EPB41L2: variants seen among roughly 807,000 people sequenced by gnomAD.
EPB41L2 encodes band 4.1-like protein 2.
EPB41L2 carries 43 observed loss-of-function variants against 113.0 expected under a neutral mutation model. The observed-to-expected ratio is 0.38, with a 90% CI of 0.30 to 0.49. EPB41L2 has a LOEUF of 0.49. EPB41L2 is among the 20% of genes least tolerant of loss of function. The pLI is 0.95. For synonymous variants in EPB41L2, 442 were observed against 436.7 expected (o/e 1.01, Z -0.15); for missense variants, 1,147 against 1,223.4 (o/e 0.94, Z 0.93).
At chr6:130,920,401 G>A (rs891367203) in intron 4 of EPB41L2, among the ~76,000 whole-genome samples, 1 of 152,152 alleles carries the variant, frequency 6.6e-6, no homozygotes, top group African/African-American at 2.4e-5. Flanking sequence ...GACATTGCAG[G>A]TTTACATCCT....
chr6:130,869,714 C>T lies in EPB41L2; in HGVS notation c.2456G>A (p.Gly819Asp), dbSNP rs139383544. The T allele has an allele frequency of 3.1e-6, 5 of 1,614,132 alleles. No individual in the cohort carries two copies. In the African/African-American group the frequency reaches 5.3e-5, roughly 17 times the overall value. The change falls in exon 15 of 20, where the codon GGT becomes GAT. Residue 819 changes from glycine (G) to aspartate (D), a missense_variant. Gly to Asp is a moderately conservative substitution (Grantham distance 94). Coordinates refer to ENST00000337057, the MANE Select transcript of EPB41L2 (RefSeq NM_001431.4). Reference sequence around the variant, plus strand: ...CTTCTCTCCGGGTATCTTTTGGGCACCTACATTTTCCTGGATCACTGTTTC... The same window carrying T: ...CTTCTCTCCGGGTATCTTTTGGGCATCTACATTTTCCTGGATCACTGTTTC... Reference protein sequence around the residue: ...TVETVIQENVGAQKIPGEKSV... With the variant: ...TVETVIQENVDAQKIPGEKSV...
intron 1 of EPB41L2, among the ~76,000 whole-genome samples, chr6:130,960,268 CA>C (rs1818910673): frequency 6.6e-6 from 1 of 152,124 alleles, no homozygotes. Context: ...AGGTTCCTGC[CA>C]GTTAGTGAAA....
chr6:130,980,597 T>C (rs1351951796), intron 1 of EPB41L2, among the ~76,000 whole-genome samples: 2 of 152,122 alleles, frequency 1.3e-5, no homozygotes, highest in Non-Finnish European at 2.9e-5. Flanking sequence ...CTAACAACTT[T>C]GGAGCATTTT....
chr6:131,024,593 T>C (rs890264043), intron 1 of EPB41L2, among the ~76,000 whole-genome samples: 1 of 152,222 alleles, frequency 6.6e-6, no homozygotes, highest in African/African-American at 2.4e-5. Context: ...ATTCCCTGAC[T>C]GCACCAAGAG....
intron 1 of EPB41L2, among the ~76,000 whole-genome samples, chr6:130,974,426 C>A (rs1777654690): frequency 6.6e-6 from 1 of 152,166 alleles, no homozygotes; most frequent in Non-Finnish European, 1.5e-5. Flanking sequence ...CCCAATGCTA[C>A]TGCTCAGCTC....
chr6:130,958,468 C>CAAA (rs200548809), intron 1 of EPB41L2, among the ~76,000 whole-genome samples: 83 of 113,688 alleles, frequency 7.3e-4, no homozygotes, highest in South Asian at 1.5e-3. Flanking sequence ...ACAACAACAA[C>CAAA]AAAAAAAAAA....
At chr6:131,009,673 CA>C (rs1192188835) in intron 1 of EPB41L2, among the ~76,000 whole-genome samples, 112 of 133,626 alleles carry the variant, frequency 8.4e-4, no homozygotes, top group African/African-American at 1.3e-3. Flanking sequence ...CCACCCCCAC[CA>C]AAAAAAAAAA....
chr6:130,972,317 C>G (rs1211167038), intron 1 of EPB41L2, among the ~76,000 whole-genome samples: 6 of 91,112 alleles, frequency 6.6e-5, no homozygotes, highest in South Asian at 1.0e-3. Flanking sequence ...GAATGAGACT[C>G]CATCTCAAAA....
rs753832486 is a variant in EPB41L2, at chr6:130,880,216, T to TA, written c.1834-11dup. 1.3e-6 allele frequency: 2 copies of TA among 1,594,966 alleles called. No individual in the cohort carries two copies. Among genetic ancestry groups the TA allele is most frequent in the Non-Finnish European group, 1.7e-6 (2 of 1,163,192 alleles). Reference sequence around the variant, plus strand: ...CTCTCAAGGAATTTTTCTGTGAAATTAAATCACACACAGGGGGGAAAAGGC... The same window carrying TA: ...CTCTCAAGGAATTTTTCTGTGAAATTAAAATCACACACAGGGGGGAAAAGGC... On this transcript the variant is annotated splice_polypyrimidine_tract_variant and intron_variant, in intron 12 of 19. Transcript: ENST00000337057.
chr6:130,881,862 T>A (rs1464321736), intron 12 of EPB41L2: 1 of 152,022 alleles, frequency 6.6e-6, no homozygotes, highest in Non-Finnish European at 1.5e-5. Context: ...TAGTGACTCT[T>A]ATATATAATT....
intron 3 of EPB41L2, among the ~76,000 whole-genome samples, chr6:130,951,312 CTTTTTTTT>C (rs34082234): frequency 3.9e-5 from 2 of 50,844 alleles, no homozygotes; most frequent in African/African-American, 2.7e-4. Context: ...AGCCTCAGTA[CTTTTTTTT>C]TTTTTTTTTT....
At chr6:130,978,745 T>C (rs1012788397) in intron 1 of EPB41L2, 4 of 152,044 alleles carry the variant, frequency 2.6e-5, no homozygotes, top group African/African-American at 9.7e-5. Flanking sequence ...GCTCCAGCAG[T>C]GTGAGAGCAG....
intron 6 of EPB41L2, 116 bp from the exon 7 acceptor site, chr6:130,901,296 T>C: frequency 1.2e-6 from 1 of 814,704 alleles, no homozygotes; most frequent in Non-Finnish European, 1.9e-6. Flanking sequence ...ATAGGCACTC[T>C]TCATATAAAC....
At chr6:130,906,236 C>T (rs542446477) in intron 5 of EPB41L2, among the ~76,000 whole-genome samples, 129 of 152,178 alleles carry the variant, frequency 8.5e-4, no homozygotes, top group Non-Finnish European at 9.6e-4. Context: ...GGACAGGACT[C>T]GGAGACATTT....
At chr6:131,011,295 C>G (rs1366904712) in intron 1 of EPB41L2, among the ~76,000 whole-genome samples, 2 of 152,172 alleles carry the variant, frequency 1.3e-5, no homozygotes, top group African/African-American at 4.8e-5. Flanking sequence ...GGTACAGATT[C>G]CCAAGTACCT....
chr6:131,020,634 A>G (rs1789237540), intron 1 of EPB41L2, among the ~76,000 whole-genome samples: 1 of 152,198 alleles, frequency 6.6e-6, no homozygotes, highest in Non-Finnish European at 1.5e-5. Flanking sequence ...TTGGTGAGAG[A>G]TGCCAATCAA....
intron 1 of EPB41L2, among the ~76,000 whole-genome samples, chr6:130,982,346 C>G (rs183289654): frequency 7.9e-5 from 12 of 152,260 alleles, no homozygotes; most frequent in Admixed American, 6.5e-4. Flanking sequence ...CCTTTCTAAA[C>G]CTCATTCTAT....
At chr6:131,052,701 G>A (rs1020440505) in intron 1 of EPB41L2, among the ~76,000 whole-genome samples, 1 of 152,104 alleles carries the variant, frequency 6.6e-6, no homozygotes, top group African/African-American at 2.4e-5. Context: ...AATGGGAAGA[G>A]GGAGTTAGTA....
intron 4 of EPB41L2, among the ~76,000 whole-genome samples, chr6:130,924,848 T>C (rs906987368): frequency 6.6e-6 from 1 of 152,192 alleles, no homozygotes; most frequent in Non-Finnish European, 1.5e-5. Context: ...AGGTGTGATA[T>C]AACACACACG....
Sources: allele counts gnomAD v4.1 joint callset (sites outside exome capture counted in the v4.1 genomes callset), GRCh38; gene constraint gnomAD v4.1.1; transcripts MANE v1.5; gene names NCBI Gene and HGNC (gene_info 2026-07-23, HGNC 2026-07-21).